VAV3: variants seen among roughly 807,000 people sequenced by gnomAD.
VAV3 encodes the protein vav guanine nucleotide exchange factor 3, also known as guanine nucleotide exchange factor VAV3.
A neutral mutation model predicts 131.2 loss-of-function variants in VAV3; 94 were observed. That is an observed-to-expected ratio of 0.72 (90% CI 0.61 to 0.85). The LOEUF is 0.85. VAV3 is among the 40% of genes least tolerant of loss of function. The probability of loss-of-function intolerance (pLI) is 0.00; values close to 1 mark genes in which losing one functional copy is unlikely to be tolerated. For missense variants in VAV3, 939 were observed against 1,002.7 expected (o/e 0.94, Z 0.86); for synonymous variants, 349 against 342.0 (o/e 1.02, Z -0.22).
intron 2 of VAV3, among the ~76,000 whole-genome samples, chr1:107,848,847 CCTT>C (rs1204472171): frequency 6.6e-6 from 1 of 152,106 alleles, no homozygotes; most frequent in African/African-American, 2.4e-5. Context: ...TCCAAAATCT[CCTT>C]AAGGTGATAA....
intron 15 of VAV3, among the ~76,000 whole-genome samples, chr1:107,741,184 T>C (rs530193938): frequency 8.5e-5 from 13 of 152,352 alleles, no homozygotes; most frequent in East Asian, 3.9e-4. Context: ...GTGAATCTTT[T>C]AAATTTTCAC....
chr1:107,701,517 C>G (rs932996672), intron 17 of VAV3, among the ~76,000 whole-genome samples: 5 of 111,722 alleles, frequency 4.5e-5, no homozygotes, highest in Non-Finnish European at 1.1e-4. Flanking sequence ...CTCTGACATG[C>G]CCTGGAGACA....
At chr1:107,720,241 C>A (rs538907699) in intron 15 of VAV3, among the ~76,000 whole-genome samples, 4 of 151,418 alleles carry the variant, frequency 2.6e-5, no homozygotes, top group Non-Finnish European at 4.4e-5. Context: ...AAATTAGCCA[C>A]GTATGGTGGC....
At position 107,602,035 on chromosome 1, in the gene VAV3, T is replaced by C. The variant is rs1422853001; in HGVS notation, c.2220+362A>G. ...AACCTAAATGTTAGACATATTTTAC[T>C]AATTACAACTTTTTGTGTTATAATT... On this transcript the variant is annotated intron_variant, in intron 24 of 26. Transcript: ENST00000370056. Among the ~76,000 whole-genome samples, 3 of 152,174 alleles carry C rather than the reference T, an allele frequency of 2.0e-5. No individual in the cohort carries two copies. The East Asian group carries it at 5.8e-4, about 29-fold the overall frequency.
chr1:107,722,514 C>T (rs1238644910), intron 15 of VAV3, among the ~76,000 whole-genome samples: 1 of 152,134 alleles, frequency 6.6e-6, no homozygotes, highest in Non-Finnish European at 1.5e-5. Flanking sequence ...ATACAACCAC[C>T]CTCAAAAAAT....
chr1:107,678,950 A>G (rs539386135), intron 19 of VAV3, among the ~76,000 whole-genome samples: 2 of 152,252 alleles, frequency 1.3e-5, no homozygotes, highest in Non-Finnish European at 1.5e-5. Context: ...ACATTTATAT[A>G]CATGCATTTA....
intron 1 of VAV3, among the ~76,000 whole-genome samples, chr1:107,889,223 T>C (rs940802554): frequency 6.6e-6 from 1 of 150,500 alleles, no homozygotes; most frequent in African/African-American, 2.4e-5. Context: ...CCCAAAAACC[T>C]CCAAATTCTG....
At chr1:107,955,160 G>T (rs2101368841) in intron 1 of VAV3, among the ~76,000 whole-genome samples, 1 of 152,202 alleles carries the variant, frequency 6.6e-6, no homozygotes, top group East Asian at 1.9e-4. Context: ...CTTTTATTTG[G>T]TCTATTTTAG....
intron 15 of VAV3, among the ~76,000 whole-genome samples, chr1:107,707,499 G>A (rs1660524424): frequency 6.6e-6 from 1 of 152,198 alleles, no homozygotes; most frequent in Admixed American, 6.5e-5. Context: ...ATGAAGTGCT[G>A]ATTCCAAATC....
chr1:107,900,539 T>C (rs2101086947), intron 1 of VAV3, among the ~76,000 whole-genome samples: 1 of 152,274 alleles, frequency 6.6e-6, no homozygotes, highest in African/African-American at 2.4e-5. Flanking sequence ...AGACCCATAT[T>C]CAATCCACTA....
At chr1:107,654,505 A>G (rs185503101) in intron 19 of VAV3, among the ~76,000 whole-genome samples, 2 of 152,212 alleles carry the variant, frequency 1.3e-5, no homozygotes, top group African/African-American at 4.8e-5. Flanking sequence ...GTAGGTGAAT[A>G]TTAACTTTAG....
chr1:107,574,260 A>C, intron 25 of VAV3, 62 bp from the exon 26 acceptor site: 1 of 1,565,520 alleles, frequency 6.4e-7, no homozygotes, highest in Non-Finnish European at 8.7e-7. Context: ...ATAACAACCT[A>C]ATCAGATGAA....
In VAV3 at chr1:107,590,701, A is replaced by T. The variant is rs556367842; in HGVS notation, c.2350+5511T>A. Among the ~76,000 whole-genome samples, 12 of 152,248 alleles carry T rather than the reference A, an allele frequency of 7.9e-5. No homozygotes were observed. The East Asian group carries it at 2.3e-3, about 29-fold the overall frequency. On this transcript the variant is annotated intron_variant, in intron 25 of 26. Transcript: ENST00000370056. ...GTTTTATCACTTGCCAGTTGTCCAAAGCAAATACTTATGTACCATACTTGT... is the reference window on the plus strand; with the variant it reads ...GTTTTATCACTTGCCAGTTGTCCAATGCAAATACTTATGTACCATACTTGT...
intron 1 of VAV3, among the ~76,000 whole-genome samples, chr1:107,891,872 G>C (rs1048930049): frequency 6.8e-6 from 1 of 147,780 alleles, no homozygotes; most frequent in South Asian, 2.1e-4. Flanking sequence ...AAAGAGCTCA[G>C]GGGTCAGACC....
At chr1:107,699,271 T>C (rs1408628780) in intron 17 of VAV3, among the ~76,000 whole-genome samples, 1 of 152,188 alleles carries the variant, frequency 6.6e-6, no homozygotes, top group Admixed American at 6.5e-5. Flanking sequence ...TGGGAGAAAT[T>C]GATCAAAACA....
At chr1:107,707,680 A>C (rs940037507) in intron 15 of VAV3, among the ~76,000 whole-genome samples, 1 of 152,184 alleles carries the variant, frequency 6.6e-6, no homozygotes, top group African/African-American at 2.4e-5. Context: ...ATTGAAGTGT[A>C]AGAGGGTAAC....
rs35673194 is a variant in VAV3 at position 107,720,384 on chromosome 1, A to AAAATAAATAAAT, written c.1503-15335_1503-15324dup. On this transcript the variant is annotated intron_variant, in intron 15 of 26. Transcript: ENST00000370056. ...GGCAACAGAGTGAGACACTGTCTCA[A>AAAATAAATAAAT]AAATAAATAAATAAATAAATAAATA... Among the ~76,000 whole-genome samples, 185 of 102,552 alleles carry AAAATAAATAAAT rather than the reference A, an allele frequency of 1.8e-3. 1 individual carries two copies. The highest frequency in any genetic ancestry group is 3.7e-3 in the African/African-American group (91 of 24,740). 67.3% of individuals were successfully genotyped at this position (102,552 alleles called of 152,430 possible). A position where few individuals can be genotyped will look rare whatever the true frequency, so the allele number is the denominator to read the frequency against.
chr1:107,786,421 G>T (rs1185893844), intron 2 of VAV3, among the ~76,000 whole-genome samples: 3 of 152,134 alleles, frequency 2.0e-5, no homozygotes, highest in African/African-American at 7.2e-5. Flanking sequence ...AGGTAAGGAC[G>T]GGAGTCAAGA....
At chr1:107,846,863 C>T (rs531636716) in intron 2 of VAV3, among the ~76,000 whole-genome samples, 24 of 152,154 alleles carry the variant, frequency 1.6e-4, no homozygotes, top group African/African-American at 4.6e-4. Context: ...GACAGATCAA[C>T]GAAACAGAAA....
Sources: allele counts gnomAD v4.1 joint callset (sites outside exome capture counted in the v4.1 genomes callset), GRCh38; gene constraint gnomAD v4.1.1; transcripts MANE v1.5; gene names NCBI Gene and HGNC (gene_info 2026-07-23, HGNC 2026-07-21).